Variants in MYOM2 observed in about 807,000 individuals in gnomAD.
MYOM2 encodes myomesin-2.
In MYOM2, 254 loss-of-function variants were observed where a neutral mutation model predicts 187.6. The observed-to-expected ratio is 1.35, with a 90% CI of 1.22 to 1.50. The LOEUF (loss-of-function observed/expected upper bound fraction) is 1.50. MYOM2 is among the 40% of genes most tolerant of loss of function. The pLI is 0.00. For missense variants in MYOM2, 2,796 were observed against 1,924.0 expected, an observed-to-expected ratio of 1.45 and a Z score of -8.48; for synonymous variants, 981 against 753.8, an observed-to-expected ratio of 1.30 and a Z score of -4.94.
intron 28 of MYOM2, among the ~76,000 whole-genome samples, chr8:2,120,675 T>TATATATATATATATATATATA (rs1220891042): frequency 2.7e-4 from 11 of 41,420 alleles, no homozygotes; most frequent in Admixed American, 4.4e-4. Context: ...TATATATATA[T>TATATATATATATATATATATA]TATATTATAT....
intron 15 of MYOM2, among the ~76,000 whole-genome samples, chr8:2,091,509 A>G (rs1796301170): frequency 6.6e-6 from 1 of 152,338 alleles, no homozygotes; most frequent in South Asian, 2.1e-4. Context: ...AGAAGCCTTC[A>G]CGGGAGGCAC....
chr8:2,067,318 G>A (rs532507411), intron 6 of MYOM2, among the ~76,000 whole-genome samples: 14 of 152,266 alleles, frequency 9.2e-5, no homozygotes, highest in South Asian at 2.1e-4. Context: ...TCAAAAGTGG[G>A]GACTTTTTGT....
chr8:2,053,835 C>T (rs915279623), intron 3 of MYOM2, among the ~76,000 whole-genome samples: 1 of 152,220 alleles, frequency 6.6e-6, no homozygotes, highest in Non-Finnish European at 1.5e-5. Context: ...AGATTTTCTT[C>T]AGCAGCCCCC....
chr8:2,108,667 C>T (rs966219091), intron 23 of MYOM2, 119 bp from the exon 24 acceptor site: 23 of 942,684 alleles, frequency 2.4e-5, no homozygotes, highest in East Asian at 7.2e-5. Flanking sequence ...AAATTCCTTT[C>T]GTGTCCTCCA....
At chr8:2,104,304 T>G (rs1168942715) in intron 21 of MYOM2, among the ~76,000 whole-genome samples, 1 of 152,134 alleles carries the variant, frequency 6.6e-6, no homozygotes, top group African/African-American at 2.4e-5. Context: ...GGTAATTGTT[T>G]TTAAAAGTTT....
intron 34 of MYOM2, 79 bp downstream of exon 34, chr8:2,141,256 G>T: frequency 7.8e-7 from 1 of 1,288,868 alleles, no homozygotes; most frequent in South Asian, 1.3e-5. Flanking sequence ...GTGGGAATCT[G>T]TATGGAAGCC....
chr8:2,133,336 A>C (rs2116894381), intron 32 of MYOM2, among the ~76,000 whole-genome samples: 1 of 152,290 alleles, frequency 6.6e-6, no homozygotes, highest in Admixed American at 6.5e-5. Flanking sequence ...AGCAAGATCT[A>C]GGTGGAGTTG....
rs933411186 is a variant in MYOM2 at position 2,072,453 on chromosome 8, T to C, written c.902T>C (p.Met301Thr). 1.7e-5 allele frequency: 28 copies of C among 1,613,962 alleles called. No individual in the cohort carries two copies. Among genetic ancestry groups the C allele is most frequent in the Middle Eastern group, 1.6e-4 (1 of 6,084 alleles). ...EGETVTLKCT[M>T]LVTPDLKRVQ... is the part of the protein sequence containing the mutation. ...GAGACGGTCACTCTCAAGTGCACCA[T>C]GCTGGTGACGCCGGACCTGAAGCGG... The change falls in exon 9 of 37, where the codon ATG becomes ACG. Residue 301 changes from methionine (M) to threonine (T), a missense_variant. By Grantham distance (81) the Met-to-Thr change is moderately conservative (BLOSUM62 -1). Transcript: ENST00000262113.
chr8:2,117,796 T>C, intron 27 of MYOM2, 89 bp from the exon 28 acceptor site: 1 of 782,028 alleles, frequency 1.3e-6, no homozygotes, highest in South Asian at 1.9e-5. Context: ...ACCATGCATA[T>C]ATGTGTGGGT....
rs767699152 is a variant in MYOM2 at position 2,143,411 on chromosome 8, G to A, written c.4035G>A (p.Arg1345=). Residue 1345 remains arginine, a synonymous_variant, in exon 36 of 37, where the codon AGG becomes AGA. Coordinates refer to ENST00000262113, the MANE Select transcript of MYOM2 (RefSeq NM_003970.4). The part of the protein sequence containing the change: ...AAAFAEKNRG[R]LIGGLPDVVT... ...GCTTTCCCGTTGCAGATCGTGGCAG[G>A]TTGATCGGCGGCTTGCCTGACGTGG... is the stretch of plus-strand genomic sequence containing the variant. 1 of 1,614,086 alleles carries A rather than the reference G, an allele frequency of 6.2e-7. No homozygotes were observed. Among genetic ancestry groups the A allele is most frequent in the African/African-American group, 1.3e-5 (1 of 74,942 alleles).
At position 2,077,131 on chromosome 8, in the gene MYOM2, G is replaced by A. The variant is rs7014747; in HGVS notation, c.1262+849G>A. Among the ~76,000 whole-genome samples the A allele has an allele frequency of 6.7e-3, 1,023 of 152,224 alleles. 17 individuals carry two copies. The highest frequency in any genetic ancestry group is 0.024 in the African/African-American group (978 of 41,532). ...TCAAGAGCATGCTGGCCAGCATGGT[G>A]AAACCCTGTCTCTACTAAAAATACA... On this transcript the variant is annotated intron_variant, in intron 11 of 36. Coordinates refer to ENST00000262113, the MANE Select transcript of MYOM2 (RefSeq NM_003970.4).
At chr8:2,120,696 A>ATATTATATATAATATAATATATATATATT (rs1491564842) in intron 28 of MYOM2, among the ~76,000 whole-genome samples, 1 of 83,996 alleles carries the variant, frequency 1.2e-5, no homozygotes, top group Non-Finnish European at 2.3e-5. Flanking sequence ...ATAAATATAT[A>ATATTATATATAATATAATATATATATATT]ATATATATAT....
chr8:2,100,112 C>CCTTCCTTCCTTCCTTCCTTCCTTT (rs1796645567), intron 19 of MYOM2, among the ~76,000 whole-genome samples: 1 of 99,876 alleles, frequency 1.0e-5, no homozygotes, highest in African/African-American at 3.6e-5. Context: ...TTCCTTCTTT[C>CCTTCCTTCCTTCCTTCCTTCCTTT]TTTCCTTCCT....
intron 6 of MYOM2, among the ~76,000 whole-genome samples, chr8:2,061,508 G>A (rs1219293391): frequency 6.6e-6 from 1 of 152,144 alleles, no homozygotes; most frequent in African/African-American, 2.4e-5. Context: ...CTGGGGCGGT[G>A]GCTTCAGCCA....
chr8:2,052,886 T>A (rs995272730), intron 3 of MYOM2, among the ~76,000 whole-genome samples: 5 of 152,334 alleles, frequency 3.3e-5, no homozygotes, highest in Admixed American at 6.5e-5. Flanking sequence ...ATTGTCATGC[T>A]TTACATTTCA....
intron 3 of MYOM2, among the ~76,000 whole-genome samples, chr8:2,055,778 A>C (rs1303986789): frequency 6.6e-6 from 1 of 152,182 alleles, no homozygotes; most frequent in Non-Finnish European, 1.5e-5. Flanking sequence ...GGTCTCGGAC[A>C]GGCCTTACCG....
rs1173773348 is a variant in MYOM2 at position 2,085,494 on chromosome 8, C to T, written c.1644+104C>T. 3.2e-3 allele frequency: 4,186 copies of T among 1,296,130 alleles called. 211 individuals are homozygous for T. The highest frequency in any genetic ancestry group is 5.4e-3 in the Middle Eastern group (21 of 3,886). 80.3% of individuals were successfully genotyped at this position (1,296,130 alleles called of 1,614,324 possible). A position where few individuals can be genotyped will look rare whatever the true frequency, so the allele number is the denominator to read the frequency against. On this transcript the variant is annotated intron_variant, in intron 14 of 36. Transcript: ENST00000262113. ...CTGTCGTGATCTCCGCGTGGCCCCTCACTGTTGTGATCTCCGCGTGGCCCC... is the reference window on the plus strand; with the variant it reads ...CTGTCGTGATCTCCGCGTGGCCCCTTACTGTTGTGATCTCCGCGTGGCCCC...
rs181914793 is a variant in MYOM2, at chr8:2,059,032, G to C, written c.561-121G>C. On this transcript the variant is annotated intron_variant, in intron 5 of 36. Coordinates refer to ENST00000262113, the MANE Select transcript of MYOM2 (RefSeq NM_003970.4). ...ACCGTCAGGGCTCTGTCCTCCTCCC[G>C]CCTGAGGCTCTAAGGGAAACCTGCA... 3,075 of 763,376 alleles carry C rather than the reference G, an allele frequency of 4.0e-3. 5 individuals carry two copies. The highest frequency in any genetic ancestry group is 4.9e-3 in the Non-Finnish European group (2,260 of 456,816). 47.3% of individuals were successfully genotyped at this position (763,376 alleles called of 1,614,324 possible).
intron 23 of MYOM2, among the ~76,000 whole-genome samples, chr8:2,107,094 C>G (rs1380308367): frequency 1.3e-5 from 2 of 152,124 alleles, no homozygotes; most frequent in Non-Finnish European, 2.9e-5. Flanking sequence ...GTTTAGTGAT[C>G]AAGGGGAAAA....
Sources: allele counts gnomAD v4.1 joint callset (sites outside exome capture counted in the v4.1 genomes callset), GRCh38; gene constraint gnomAD v4.1.1; transcripts MANE v1.5; gene names NCBI Gene and HGNC (gene_info 2026-07-23, HGNC 2026-07-21).